ST6GALNAC3: variants seen among roughly 807,000 people sequenced by gnomAD.
ST6GALNAC3 encodes ST6 N-acetylgalactosaminide alpha-2,6-sialyltransferase 3.
A neutral mutation model predicts 32.7 loss-of-function variants in ST6GALNAC3; 25 were observed. That is an observed-to-expected ratio of 0.76 (90% CI 0.56 to 1.07). The LOEUF (loss-of-function observed/expected upper bound fraction) is 1.07, where lower values mean the gene tolerates loss of function less well. Ranked by LOEUF, ST6GALNAC3 falls within the 50% of genes least tolerant of loss-of-function variation. ST6GALNAC3 has a pLI of 0.00. For synonymous variants in ST6GALNAC3, 129 were observed against 133.1 expected (o/e 0.97, Z 0.21); for missense variants, 355 against 382.4 (o/e 0.93, Z 0.60).
intron 3 of ST6GALNAC3, among the ~76,000 whole-genome samples, chr1:76,586,763 A>T (rs315038): frequency 4.0e-4 from 61 of 152,310 alleles, no homozygotes; most frequent in African/African-American, 1.5e-3. Context: ...TCTGCATGCT[A>T]TTTACCGTCT....
intron 1 of ST6GALNAC3, among the ~76,000 whole-genome samples, chr1:76,310,326 G>A (rs1646737121): frequency 6.6e-6 from 1 of 152,102 alleles, no homozygotes; most frequent in Non-Finnish European, 1.5e-5. Flanking sequence ...CAATGTTGTG[G>A]ACATAATGAT....
At chr1:76,176,086 AATTAGCC>A (rs1423625843) in intron 1 of ST6GALNAC3, among the ~76,000 whole-genome samples, 1 of 152,170 alleles carries the variant, frequency 6.6e-6, no homozygotes, top group African/African-American at 2.4e-5. Context: ...GGTGAATTCT[AATTAGCC>A]ATCTCCCTAA....
intron 3 of ST6GALNAC3, among the ~76,000 whole-genome samples, chr1:76,596,296 T>C (rs1647136131): frequency 6.6e-6 from 1 of 152,158 alleles, no homozygotes; most frequent in Non-Finnish European, 1.5e-5. Context: ...TAATTATTTT[T>C]TCAGTGCCTG....
rs1299939053 is a variant in ST6GALNAC3, at chr1:76,367,016, G to C, written c.214-44992G>C. ...GGCTCCAAGGCTGAGAATCAGTGGG[G>C]CTGCAAAATCTGGACAAAGAAAGGC... On this transcript the variant is annotated intron_variant, in intron 2 of 4. Coordinates refer to ENST00000328299, the MANE Select transcript of ST6GALNAC3 (RefSeq NM_152996.4). Among the ~76,000 whole-genome samples the C allele has an allele frequency of 2.0e-5, 3 of 152,144 alleles. No individual in the cohort carries two copies. The East Asian group carries it at 5.8e-4, about 29-fold the overall frequency.
chr1:76,313,136 C>T lies in ST6GALNAC3; in HGVS notation c.19-669C>T, dbSNP rs186958037. Among the ~76,000 whole-genome samples, 174 of 152,166 alleles carry T rather than the reference C, an allele frequency of 1.1e-3. 1 individual carries two copies. Among genetic ancestry groups the T allele is most frequent in the Non-Finnish European group, 6.3e-4 (43 of 68,000 alleles). On this transcript the variant is annotated intron_variant, in intron 1 of 4. Coordinates refer to ENST00000328299, the MANE Select transcript of ST6GALNAC3 (RefSeq NM_152996.4). ...TCCTACTCATACAGGGTGCTAGATA[C>T]AGAAACAGAAGAATGAGTGATAATG...
intron 3 of ST6GALNAC3, among the ~76,000 whole-genome samples, chr1:76,508,610 G>C (rs1005246968): frequency 5.9e-5 from 9 of 152,088 alleles, no homozygotes; most frequent in Non-Finnish European, 1.0e-4. Context: ...GTGTTGCTGA[G>C]GAAGGCATCC....
chr1:76,203,310 G>A (rs1360331424), intron 1 of ST6GALNAC3, among the ~76,000 whole-genome samples: 1 of 152,154 alleles, frequency 6.6e-6, no homozygotes, highest in East Asian at 1.9e-4. Context: ...GTGATTCCAA[G>A]TGCAGCCATG....
At chr1:76,141,241 G>A (rs1358173114) in intron 1 of ST6GALNAC3, among the ~76,000 whole-genome samples, 2 of 152,170 alleles carry the variant, frequency 1.3e-5, no homozygotes, top group Admixed American at 1.3e-4. Flanking sequence ...GATTTTTGCT[G>A]TGGAGATAAG....
intron 1 of ST6GALNAC3, among the ~76,000 whole-genome samples, chr1:76,303,350 T>G (rs989872217): frequency 6.6e-6 from 1 of 152,046 alleles, no homozygotes; most frequent in East Asian, 1.9e-4. Flanking sequence ...AAGGGAGTGG[T>G]CTCTGGTCCT....
At chr1:76,482,482 T>C (rs1557470284) in intron 3 of ST6GALNAC3, among the ~76,000 whole-genome samples, 2 of 152,156 alleles carry the variant, frequency 1.3e-5, no homozygotes, top group Non-Finnish European at 2.9e-5. Flanking sequence ...GTCAAATAAC[T>C]CACTTTACCC....
intron 2 of ST6GALNAC3, among the ~76,000 whole-genome samples, chr1:76,396,631 G>C (rs940935456): frequency 1.2e-4 from 19 of 152,078 alleles, no homozygotes; most frequent in African/African-American, 4.3e-4. Flanking sequence ...GCTAATAAAA[G>C]CCAATTAGGT....
At chr1:76,606,420 A>C (rs1193407036) in intron 3 of ST6GALNAC3, among the ~76,000 whole-genome samples, 1 of 152,196 alleles carries the variant, frequency 6.6e-6, no homozygotes, top group Non-Finnish European at 1.5e-5. Context: ...TTGCAGGGAC[A>C]TGAATGGAGC....
chr1:76,393,355 T>C (rs12749057), intron 2 of ST6GALNAC3, among the ~76,000 whole-genome samples: 93,612 of 151,940 alleles, frequency 0.62, 30,325 homozygotes, highest in Non-Finnish European at 0.72. Context: ...GTTATTTCTG[T>C]GGGGCAGTGG....
chr1:76,588,984 TTC>T (rs2100575605), intron 3 of ST6GALNAC3, among the ~76,000 whole-genome samples: 1 of 152,356 alleles, frequency 6.6e-6, no homozygotes, highest in African/African-American at 2.4e-5. Context: ...GTATTAAATT[TTC>T]TCTGTTTAAA....
intron 1 of ST6GALNAC3, among the ~76,000 whole-genome samples, chr1:76,085,987 A>C (rs965226600): frequency 2.6e-5 from 4 of 152,234 alleles, no homozygotes; most frequent in Non-Finnish European, 5.9e-5. Flanking sequence ...GGCTCAGGCC[A>C]CTATGCACAC....
chr1:76,622,228 T>G (rs114879720), intron 3 of ST6GALNAC3, among the ~76,000 whole-genome samples: 1 of 152,118 alleles, frequency 6.6e-6, no homozygotes, highest in South Asian at 2.1e-4. Flanking sequence ...GCTTCTGAAC[T>G]CGTTGTCCTT....
At chr1:76,398,741 A>G (rs1462323778) in intron 2 of ST6GALNAC3, among the ~76,000 whole-genome samples, 1 of 152,164 alleles carries the variant, frequency 6.6e-6, no homozygotes, top group Non-Finnish European at 1.5e-5. Context: ...ATATAGCAGG[A>G]AGTAGAATTT....
rs553443371 is a variant in ST6GALNAC3, at chr1:76,560,316, A to G, written c.624-67136A>G. 2.0e-5 allele frequency among the ~76,000 whole-genome samples: 3 copies of G among 152,274 alleles called. No individual in the cohort carries two copies. In the South Asian group the frequency reaches 6.2e-4, roughly 32 times the overall value. ...ATACCCCAAAAGTAGAGGCCACCAA[A>G]GCAAAAATGGACAAATGGGATCACC... On this transcript the variant is annotated intron_variant, in intron 3 of 4. Transcript: ENST00000328299.
intron 3 of ST6GALNAC3, among the ~76,000 whole-genome samples, chr1:76,483,448 C>T (rs936721928): frequency 6.6e-6 from 1 of 152,058 alleles, no homozygotes; most frequent in Admixed American, 6.6e-5. Context: ...CTCATTGTGG[C>T]TTTGATTTAC....
Sources: allele counts gnomAD v4.1 joint callset (sites outside exome capture counted in the v4.1 genomes callset), GRCh38; gene constraint gnomAD v4.1.1; transcripts MANE v1.5; gene names NCBI Gene and HGNC (gene_info 2026-07-23, HGNC 2026-07-21).